Variants in CDK14 observed in about 807,000 individuals in gnomAD.
CDK14 encodes the protein cyclin-dependent kinase 14.
A neutral mutation model predicts 60.7 loss-of-function variants in CDK14; 34 were observed. The observed-to-expected ratio is 0.56, with a 90% CI of 0.43 to 0.75. The LOEUF is 0.75. Ranked by LOEUF, CDK14 falls within the 30% of genes least tolerant of loss-of-function variation. CDK14 has a pLI of 0.00. For missense variants in CDK14, 482 were observed against 564.1 expected, an observed-to-expected ratio of 0.85 and a Z score of 1.47; for synonymous variants, 197 against 203.7, an observed-to-expected ratio of 0.97 and a Z score of 0.28.
chr7:90,600,740 T>G (rs2116308765), intron 1 of CDK14, among the ~76,000 whole-genome samples: 1 of 152,378 alleles, frequency 6.6e-6, no homozygotes, highest in South Asian at 2.1e-4. Flanking sequence ...TATTTTAATT[T>G]GAAAACTACA....
intron 14 of CDK14, among the ~76,000 whole-genome samples, chr7:91,204,138 G>A (rs1448448120): frequency 6.6e-6 from 1 of 152,146 alleles, no homozygotes; most frequent in Non-Finnish European, 1.5e-5. Flanking sequence ...TTGGGATGTA[G>A]AGGTAGCAAA....
intron 6 of CDK14, among the ~76,000 whole-genome samples, chr7:90,872,319 A>G (rs1372073912): frequency 6.6e-6 from 1 of 152,210 alleles, no homozygotes; most frequent in Non-Finnish European, 1.5e-5. Flanking sequence ...ATGCTGTATA[A>G]TACTGTGATT....
chr7:90,882,642 A>C (rs1404295049), intron 6 of CDK14, among the ~76,000 whole-genome samples: 1 of 152,240 alleles, frequency 6.6e-6, no homozygotes, highest in African/African-American at 2.4e-5. Context: ...CAGAATGTAC[A>C]TTCTTCTCAG....
At chr7:90,890,348 G>A (rs1792075870) in intron 6 of CDK14, among the ~76,000 whole-genome samples, 1 of 152,152 alleles carries the variant, frequency 6.6e-6, no homozygotes, top group Non-Finnish European at 1.5e-5. Flanking sequence ...ACTCCAGCCT[G>A]GGTGACAGAG....
Position 91,112,513 on chromosome 7 carries a change from T to C in CDK14, c.1155-29T>C, listed in dbSNP as rs779923681. ...ATTTAGTGGATTTTCTTGTTTGGTC[T>C]GACCTCTCTTTTTTGCTCATGTTTT... On this transcript the variant is annotated intron_variant, in intron 12 of 14. Transcript: ENST00000380050. The C allele has an allele frequency of 1.9e-6, 3 of 1,603,106 alleles. No individual in the cohort carries two copies. In the African/African-American group the frequency reaches 4.0e-5, roughly 21 times the overall value.
chr7:90,806,015 A>T (rs1047381565), intron 5 of CDK14, among the ~76,000 whole-genome samples: 1 of 152,234 alleles, frequency 6.6e-6, no homozygotes, highest in Non-Finnish European at 1.5e-5. Flanking sequence ...GTTGATTTTT[A>T]ATAAGTTGCA....
intron 8 of CDK14, among the ~76,000 whole-genome samples, chr7:90,946,091 A>C (rs879449916): frequency 8.5e-5 from 13 of 152,166 alleles, no homozygotes; most frequent in Non-Finnish European, 1.3e-4. Flanking sequence ...GAATGAACAG[A>C]ACTTTGGGCC....
At chr7:90,811,247 T>C (rs1377883758) in intron 5 of CDK14, among the ~76,000 whole-genome samples, 1 of 152,094 alleles carries the variant, frequency 6.6e-6, no homozygotes, top group African/African-American at 2.4e-5. Context: ...CAAAACAGCA[T>C]GGTACTGGTA....
At position 90,976,410 on chromosome 7, in the gene CDK14, C is replaced by A. The variant is rs546395212; in HGVS notation, c.948-7738C>A. 2.6e-5 allele frequency among the ~76,000 whole-genome samples: 4 copies of A among 152,176 alleles called. No individual in the cohort carries two copies. The South Asian group carries it at 8.3e-4, about 32-fold the overall frequency. On this transcript the variant is annotated intron_variant, in intron 9 of 14. Transcript: ENST00000380050. ...CTTCTCTGTCACTTAGGGTGGAGTG[C>A]AGTAGTGCAATCATAGCTCATTGCA...
At chr7:90,696,336 C>CTTCTTT (rs772009194) in intron 2 of CDK14, among the ~76,000 whole-genome samples, 74 of 125,672 alleles carry the variant, frequency 5.9e-4, no homozygotes, top group African/African-American at 9.9e-4. Flanking sequence ...ACTTCTTCTT[C>CTTCTTT]TTTTTTTTTT....
intron 5 of CDK14, among the ~76,000 whole-genome samples, chr7:90,853,394 G>T (rs957001767): frequency 6.6e-6 from 1 of 151,896 alleles, no homozygotes. Flanking sequence ...TGTGAGAGAG[G>T]GGAAACCCAA....
At chr7:91,134,347 C>A (rs1257785851) in intron 14 of CDK14, among the ~76,000 whole-genome samples, 1 of 152,134 alleles carries the variant, frequency 6.6e-6, no homozygotes, top group African/African-American at 2.4e-5. Flanking sequence ...ATCTCCTGAT[C>A]ATGGCATTGT....
intron 2 of CDK14, among the ~76,000 whole-genome samples, chr7:90,635,056 G>T (rs1396940638): frequency 1.3e-5 from 2 of 152,072 alleles, no homozygotes; most frequent in Non-Finnish European, 2.9e-5. Context: ...TGAGTAGGTT[G>T]TGAAAATTTT....
chr7:91,088,839 A>G (rs1201640143), intron 12 of CDK14, among the ~76,000 whole-genome samples: 1 of 152,146 alleles, frequency 6.6e-6, no homozygotes, highest in Non-Finnish European at 1.5e-5. Flanking sequence ...AATAGAAAAC[A>G]TTTGATCATA....
chr7:91,131,999 T>TGG (rs1562918024), intron 14 of CDK14, among the ~76,000 whole-genome samples: 1 of 121,442 alleles, frequency 8.2e-6, no homozygotes, highest in African/African-American at 2.8e-5. Flanking sequence ...GGAAGTTTTT[T>TGG]TGTTGGTTGG....
Position 90,747,716 on chromosome 7 carries a change from T to C in CDK14, c.405T>C (p.Tyr135=), listed in dbSNP as rs545884793. ...TSPKFGKADS[Y]EKLEKLGEGS... ...CCAAATTTGGAAAAGCTGACTCATA[T>C]GAAAAGCTGGAAAAACTAGGGGAAG... is the stretch of plus-strand genomic sequence containing the variant. The change falls in exon 4 of 15, where the codon TAT becomes TAC. Residue 135 remains tyrosine, a synonymous_variant. Coordinates refer to ENST00000380050, the MANE Select transcript of CDK14 (RefSeq NM_001287135.2). 2.9e-5 allele frequency: 46 copies of C among 1,598,976 alleles called. No individual in the cohort carries two copies. In the South Asian group the frequency reaches 3.7e-4, roughly 13 times the overall value.
At chr7:91,041,019 A>G (rs1007985620) in intron 10 of CDK14, among the ~76,000 whole-genome samples, 1 of 152,266 alleles carries the variant, frequency 6.6e-6, no homozygotes, top group African/African-American at 2.4e-5. Context: ...TTTTCTCAGT[A>G]TCTTCTCTGC....
chr7:90,868,196 T>C (rs1791247742), intron 6 of CDK14, among the ~76,000 whole-genome samples: 1 of 151,842 alleles, frequency 6.6e-6, no homozygotes, highest in South Asian at 2.1e-4. Context: ...ATCAAGACAG[T>C]TAAGGTAATA....
At chr7:90,792,811 T>G (rs904336638) in intron 5 of CDK14, among the ~76,000 whole-genome samples, 7 of 149,524 alleles carry the variant, frequency 4.7e-5, no homozygotes, top group Non-Finnish European at 1.0e-4. Flanking sequence ...GTCAATCCCC[T>G]TATTTAAAAT....
Sources: gnomAD v4.1 joint callset for allele counts (sites outside exome capture counted in the v4.1 genomes callset) on GRCh38, gnomAD v4.1.1 for gene constraint, MANE v1.5 for transcripts, NCBI Gene and HGNC (gene_info 2026-07-23, HGNC 2026-07-21) for gene names.